PRR4: variants seen among roughly 807,000 people sequenced by gnomAD.
PRR4 encodes proline-rich protein 4.
A neutral mutation model predicts 7.6 loss-of-function variants in PRR4; 7 were observed. That is an observed-to-expected ratio of 0.92 (90% CI 0.52 to 1.73). PRR4 has a LOEUF of 1.73. Ranked by LOEUF, PRR4 falls within the 40% of genes most tolerant of loss-of-function variation. PRR4 has a pLI of 0.00. For synonymous variants in PRR4, 64 were observed against 58.5 expected (o/e 1.09, Z -0.43); for missense variants, 187 against 161.0 (o/e 1.16, Z -0.87).
At chr12:10,846,787 C>G (rs1469433935) in intron 3 of PRR4, among the ~76,000 whole-genome samples, 1 of 152,064 alleles carries the variant, frequency 6.6e-6, no homozygotes, top group Non-Finnish European at 1.5e-5. Context: ...TTCCTCATTA[C>G]CAACTCATTT....
intron 1 of PRR4, chr12:10,848,643 A>G (rs1949055423): frequency 7.2e-6 from 3 of 418,800 alleles, no homozygotes; most frequent in Non-Finnish European, 1.3e-5. Context: ...TGTCATCCTT[A>G]GGATCCCTCA....
intron 1 of PRR4, 90 bp from the exon 2 acceptor site, chr12:10,848,497 A>C (rs763364581): frequency 7.2e-6 from 9 of 1,245,840 alleles, no homozygotes; most frequent in Non-Finnish European, 1.0e-5. Flanking sequence ...TCTTCTGGCC[A>C]CACCCTGTGC....
intron 2 of PRR4, among the ~76,000 whole-genome samples, chr12:10,847,631 T>TA (rs768896597): frequency 6.6e-6 from 1 of 150,942 alleles, no homozygotes; most frequent in Non-Finnish European, 1.5e-5. Flanking sequence ...TTGCATATCT[T>TA]AGAGTTGCCA....
At chr12:10,848,230 G>T (rs568178647) in intron 2 of PRR4, 142 bp downstream of exon 2, 1 of 699,866 alleles carries the variant, frequency 1.4e-6, no homozygotes, top group Non-Finnish European at 2.3e-6. Flanking sequence ...TATATTTAGG[G>T]GCACTAATAT....
At chr12:10,848,222 T>G (rs1278289795) in intron 2 of PRR4, 150 bp downstream of exon 2, 1 of 664,874 alleles carries the variant, frequency 1.5e-6, no homozygotes, top group Non-Finnish European at 2.5e-6. Flanking sequence ...ATTGCCTATA[T>G]ATTTAGGGGC....
Position 10,847,119 on chromosome 12 carries a change from A to T in PRR4, c.349T>A (p.Ser117Thr), listed in dbSNP as rs1949028048. 2 of 1,612,898 alleles carry T rather than the reference A, an allele frequency of 1.2e-6. No individual in the cohort carries two copies. The highest frequency in any genetic ancestry group is 2.2e-5 in the South Asian group (2 of 90,810). Residue 117 changes from serine to threonine, a missense_variant, in exon 3 of 4, where the codon TCA (serine) becomes ACA (threonine). Coordinates refer to ENST00000228811, the MANE Select transcript of PRR4 (RefSeq NM_007244.3). ...FPSVSLQEAS[S>T]FFQRDRPARH... The stretch of plus-strand genomic sequence containing the variant: ...GCTGGTCTGTCCCTCTGGAAGAATG[A>T]TGATGCTTCCTGCAGGCTGACAGAA...
chr12:10,849,308 C>T, intron 1 of PRR4, 66 bp downstream of exon 1: 1 of 998,436 alleles, frequency 1.0e-6, no homozygotes. Context: ...ACCCCTGAGG[C>T]CCTAGAAGAG....
At chr12:10,848,647 T>A (rs1346375395) in intron 1 of PRR4, 1 of 416,526 alleles carries the variant, frequency 2.4e-6, no homozygotes, top group Admixed American at 4.3e-5. Context: ...ATCCTTAGGA[T>A]CCCTCAAACC....
At position 10,849,466 on chromosome 12, in the gene PRR4, A is replaced by G; in HGVS notation, c.-29T>C. On this transcript the variant is annotated 5_prime_UTR_variant, in exon 1 of 4. Coordinates refer to ENST00000228811, the MANE Select transcript of PRR4 (RefSeq NM_007244.3). The stretch of plus-strand genomic sequence containing the variant: ...GAAGGAGGCTCTGGAGTTGCTCCCA[A>G]CTCTGCGTTGAGAGAAACATGGCAG... The G allele has an allele frequency of 1.3e-6, 2 of 1,560,368 alleles. No individual in the cohort carries two copies. Among genetic ancestry groups the G allele is most frequent in the African/African-American group, 1.4e-5 (1 of 72,676 alleles).
intron 2 of PRR4, among the ~76,000 whole-genome samples, chr12:10,847,772 G>C (rs1949040478): frequency 6.6e-6 from 1 of 151,852 alleles, no homozygotes; most frequent in African/African-American, 2.4e-5. Flanking sequence ...CCATCTCTGG[G>C]CACCTAAGCC....
rs140635488 is a variant in PRR4 at position 10,847,684 on chromosome 12, A to G, written c.101-317T>C. On this transcript the variant is annotated intron_variant, in intron 2 of 3. Coordinates refer to ENST00000228811, the MANE Select transcript of PRR4 (RefSeq NM_007244.3). ...CAGAAAAAAAAAAAAAAGCAAAAGC[A>G]TTATAGCTTTCAGTTATGTTACTGG... 4.0e-3 allele frequency among the ~76,000 whole-genome samples: 611 copies of G among 151,542 alleles called. 5 individuals are homozygous for G. Among genetic ancestry groups the G allele is most frequent in the African/African-American group, 0.014 (586 of 41,352 alleles).
intron 2 of PRR4, among the ~76,000 whole-genome samples, chr12:10,847,769 T>A (rs144753313): frequency 2.0e-5 from 3 of 152,154 alleles, no homozygotes; most frequent in Non-Finnish European, 2.9e-5. Flanking sequence ...ACTCCATCTC[T>A]GGGCACCTAA....
intron 2 of PRR4, among the ~76,000 whole-genome samples, chr12:10,847,872 G>A (rs907255551): frequency 2.0e-4 from 31 of 152,182 alleles, no homozygotes; most frequent in African/African-American, 7.2e-4. Flanking sequence ...GTGAAAGCCT[G>A]CACATGATCA....
Position 10,848,593 on chromosome 12 carries a change from G to A in PRR4, c.65-186C>T, listed in dbSNP as rs1174109234. On this transcript the variant is annotated intron_variant, in intron 1 of 3. Coordinates refer to ENST00000228811, the MANE Select transcript of PRR4 (RefSeq NM_007244.3). ...TAGGGGAGGCAGGATTGTTACTATCGCTGAGCATCAACCACGAATTCAATA... is the reference window on the plus strand; with the variant it reads ...TAGGGGAGGCAGGATTGTTACTATCACTGAGCATCAACCACGAATTCAATA... 6.2e-5 allele frequency: 31 copies of A among 497,022 alleles called. 1 individual carries two copies. Among genetic ancestry groups the A allele is most frequent in the South Asian group, 2.8e-4 (7 of 24,678 alleles). The allele number at this position is 497,022 out of a possible 1,614,324, so 30.8% of individuals were successfully genotyped here. A position where few individuals can be genotyped will look rare whatever the true frequency, so the allele number is the denominator to read the frequency against.
Position 10,847,075 on chromosome 12 carries a change from T to A in PRR4, c.393A>T (p.Gln131His). Residue 131 changes from glutamine (Q) to histidine (H), a missense_variant, in exon 3 of 4, where the codon CAA (glutamine) becomes CAT (histidine). Gln to His is a conservative substitution (Grantham distance 24). Transcript: ENST00000228811. Reference sequence around the variant, plus strand: ...ACTGAATTCTAGATTACCAGAGTGGTTGCTCCTGGGGATGTCTTGCTGGTC... The same window carrying A: ...ACTGAATTCTAGATTACCAGAGTGGATGCTCCTGGGGATGTCTTGCTGGTC... Reference protein sequence around the residue: ...RDRPARHPQEQPLW With the variant: ...RDRPARHPQEHPLW 1.3e-6 allele frequency: 2 copies of A among 1,584,956 alleles called. No individual in the cohort carries two copies. The highest frequency in any genetic ancestry group is 1.7e-6 in the Non-Finnish European group (2 of 1,161,854).
Position 10,847,063 on chromosome 12 carries a change from T to C in PRR4, c.405A>G (p.Ter135=), listed in dbSNP as rs1358641255. Residue 135 remains the stop codon, a stop_retained_variant, in exon 3 of 4, where the codon TAA becomes TAG. Coordinates refer to ENST00000228811, the MANE Select transcript of PRR4 (RefSeq NM_007244.3). The stretch of plus-strand genomic sequence containing the variant: ...ATCATACCTGCCACTGAATTCTAGA[T>C]TACCAGAGTGGTTGCTCCTGGGGAT... The part of the protein sequence containing the change: ...ARHPQEQPLW[*] 1.3e-6 allele frequency: 2 copies of C among 1,572,450 alleles called. No homozygotes were observed. The highest frequency in any genetic ancestry group is 1.7e-6 in the Non-Finnish European group (2 of 1,154,936).
intron 2 of PRR4, among the ~76,000 whole-genome samples, chr12:10,848,152 C>T (rs1019413515): frequency 1.3e-5 from 2 of 152,142 alleles, no homozygotes; most frequent in Non-Finnish European, 2.9e-5. Context: ...CAAAGCCAGG[C>T]ATCTCTGTAT....
chr12:10,847,915 A>G (rs745645652), intron 2 of PRR4, among the ~76,000 whole-genome samples: 2 of 152,218 alleles, frequency 1.3e-5, no homozygotes, highest in Admixed American at 6.5e-5. Flanking sequence ...TATCATCTGT[A>G]GTGACACAGC....
In PRR4 at chr12:10,845,914, A is replaced by G; in HGVS notation, c.*55T>C. ...GTTATGACCACATTATTTCAATGTC[A>G]TGGCTTTCTGAAGGAAGTTATCTTC... On this transcript the variant is annotated 3_prime_UTR_variant, in exon 4 of 4. Transcript: ENST00000228811. 2 of 1,327,864 alleles carry G rather than the reference A, an allele frequency of 1.5e-6. No individual in the cohort carries two copies. Among genetic ancestry groups the G allele is most frequent in the Non-Finnish European group, 2.0e-6 (2 of 1,012,134 alleles). 82.3% of individuals were successfully genotyped at this position (1,327,864 alleles called of 1,614,324 possible).
Sources: allele counts gnomAD v4.1 joint callset (sites outside exome capture counted in the v4.1 genomes callset), GRCh38; gene constraint gnomAD v4.1.1; transcripts MANE v1.5; gene names NCBI Gene and HGNC (gene_info 2026-07-23, HGNC 2026-07-21).